MAN1A1: variants seen among roughly 807,000 people sequenced by gnomAD.
MAN1A1 encodes mannosyl-oligosaccharide 1,2-alpha-mannosidase IA.
MAN1A1 carries 29 observed loss-of-function variants against 70.8 expected under a neutral mutation model. That is an observed-to-expected ratio of 0.41 (90% confidence interval 0.31 to 0.56). MAN1A1 has a LOEUF of 0.56. MAN1A1 is among the 20% of genes least tolerant of loss of function. The probability of loss-of-function intolerance (pLI) is 0.29; values close to 1 mark genes in which losing one functional copy is unlikely to be tolerated. For synonymous variants in MAN1A1, 349 were observed against 330.1 expected, an observed-to-expected ratio of 1.06 and a Z score of -0.62; for missense variants, 747 against 841.3, an observed-to-expected ratio of 0.89 and a Z score of 1.39.
chr6:119,255,746 C>T (rs150551888), intron 5 of MAN1A1, among the ~76,000 whole-genome samples: 16 of 152,276 alleles, frequency 1.1e-4, no homozygotes, highest in South Asian at 2.1e-4. Flanking sequence ...ATCTCAGAGA[C>T]GGGTGATCCT....
At chr6:119,247,844 A>G (rs989684178) in intron 6 of MAN1A1, among the ~76,000 whole-genome samples, 2 of 152,188 alleles carry the variant, frequency 1.3e-5, no homozygotes, top group South Asian at 4.1e-4. Flanking sequence ...ATTAGGCCAA[A>G]TATTGTATTT....
chr6:119,192,593 T>C (rs1773469923), intron 9 of MAN1A1, among the ~76,000 whole-genome samples: 1 of 152,184 alleles, frequency 6.6e-6, no homozygotes, highest in Non-Finnish European at 1.5e-5. Flanking sequence ...GGCTACATCT[T>C]TGGGATTACA....
chr6:119,232,915 T>C (rs745359928), intron 6 of MAN1A1, among the ~76,000 whole-genome samples: 1 of 152,154 alleles, frequency 6.6e-6, no homozygotes, highest in Non-Finnish European at 1.5e-5. Context: ...CTATTTTCCC[T>C]TCTTTAGAAA....
intron 2 of MAN1A1, among the ~76,000 whole-genome samples, chr6:119,319,934 C>CT (rs1223802493): frequency 6.6e-6 from 1 of 151,866 alleles, no homozygotes; most frequent in Non-Finnish European, 1.5e-5. Context: ...GGTTGTTCTG[C>CT]TGTCATAAAT....
In MAN1A1 at chr6:119,256,354, C is replaced by T. The variant is rs189501581; in HGVS notation, c.898-8000G>A. Among the ~76,000 whole-genome samples, 375 of 151,220 alleles carry T rather than the reference C, an allele frequency of 2.5e-3. 3 individuals carry two copies. Among genetic ancestry groups the T allele is most frequent in the African/African-American group, 8.6e-3 (356 of 41,182 alleles). ...GTAGTGAAGAGAAGTGGCTTTTATGCTATCTCCTAGTCAAAATGAGTAAAT... is the reference window on the plus strand; with the variant it reads ...GTAGTGAAGAGAAGTGGCTTTTATGTTATCTCCTAGTCAAAATGAGTAAAT... On this transcript the variant is annotated intron_variant, in intron 5 of 12. Transcript: ENST00000368468.
intron 5 of MAN1A1, among the ~76,000 whole-genome samples, chr6:119,249,208 G>A (rs1273311978): frequency 3.9e-5 from 6 of 152,124 alleles, no homozygotes; most frequent in Admixed American, 3.3e-4. Flanking sequence ...AGGGAATGGG[G>A]CAGCCTCCCT....
At chr6:119,319,996 A>G (rs1377377422) in intron 2 of MAN1A1, among the ~76,000 whole-genome samples, 1 of 151,522 alleles carries the variant, frequency 6.6e-6, no homozygotes, top group Admixed American at 6.6e-5. Flanking sequence ...TTTTTAAGAG[A>G]CGGAGTCTTG....
At chr6:119,278,739 C>T (rs1017053974) in intron 5 of MAN1A1, among the ~76,000 whole-genome samples, 1 of 152,020 alleles carries the variant, frequency 6.6e-6, no homozygotes, top group East Asian at 1.9e-4. Flanking sequence ...GGCTTGGTGG[C>T]GTTCCCTTGG....
chr6:119,217,256 A>G (rs967495175), intron 6 of MAN1A1, among the ~76,000 whole-genome samples: 8 of 152,084 alleles, frequency 5.3e-5, no homozygotes, highest in African/African-American at 1.9e-4. Context: ...ATAAGCTTCC[A>G]GTGTTGAATG....
intron 2 of MAN1A1, among the ~76,000 whole-genome samples, chr6:119,319,967 C>T (rs1772963343): frequency 6.6e-6 from 1 of 151,910 alleles, no homozygotes; most frequent in Non-Finnish European, 1.5e-5. Context: ...AGGAGAACTG[C>T]AGTGGTATCT....
At chr6:119,316,060 G>C (rs1772844133) in intron 2 of MAN1A1, among the ~76,000 whole-genome samples, 1 of 152,112 alleles carries the variant, frequency 6.6e-6, no homozygotes, top group Admixed American at 6.5e-5. Flanking sequence ...GTGGTGACAG[G>C]TGATCTCCCT....
At chr6:119,308,496 G>T (rs970579023) in intron 2 of MAN1A1, among the ~76,000 whole-genome samples, 1 of 152,098 alleles carries the variant, frequency 6.6e-6, no homozygotes, top group Non-Finnish European at 1.5e-5. Context: ...ATGAGTCACA[G>T]TTTTTGTGAC....
intron 6 of MAN1A1, among the ~76,000 whole-genome samples, chr6:119,207,516 A>G (rs1012661764): frequency 6.6e-5 from 10 of 152,192 alleles, no homozygotes; most frequent in Admixed American, 2.6e-4. Context: ...CATGGGGCAC[A>G]CATCTATCTA....
chr6:119,188,651 T>G (rs1000551207), intron 10 of MAN1A1, 74 bp from the exon 11 acceptor site: 3 of 1,332,782 alleles, frequency 2.3e-6, no homozygotes. Flanking sequence ...TAAATGAAAC[T>G]AGAAAGTACA....
intron 5 of MAN1A1, chr6:119,269,305 G>A (rs17514202): frequency 0.031 from 8,456 of 275,764 alleles, 174 homozygotes; most frequent in African/African-American, 0.052. Context: ...AGCCAAACTC[G>A]TGAACCAGGC....
chr6:119,304,720 G>T (rs1772482240), intron 3 of MAN1A1, among the ~76,000 whole-genome samples: 1 of 152,128 alleles, frequency 6.6e-6, no homozygotes, highest in Non-Finnish European at 1.5e-5. Flanking sequence ...CTCCCCAACG[G>T]CTAATAACTG....
chr6:119,348,416 T>A, intron 2 of MAN1A1, 47 bp downstream of exon 2: 1 of 1,499,180 alleles, frequency 6.7e-7, no homozygotes, highest in East Asian at 2.3e-5. Context: ...CGTTTCTCCC[T>A]GAAAAACACG....
chr6:119,219,680 G>C (rs565627644), intron 6 of MAN1A1, among the ~76,000 whole-genome samples: 1 of 149,998 alleles, frequency 6.7e-6, no homozygotes, highest in African/African-American at 2.4e-5. Context: ...TGTAACACAA[G>C]TAGTAATGAA....
At chr6:119,261,713 G>T (rs76677725) in intron 5 of MAN1A1, among the ~76,000 whole-genome samples, 5,163 of 152,262 alleles carry the variant, frequency 0.034, 141 homozygotes, top group East Asian at 0.091. Context: ...AAAGTTCATG[G>T]AAGTGTTTTT....
Sources: gnomAD v4.1 joint callset for allele counts (sites outside exome capture counted in the v4.1 genomes callset) on GRCh38, gnomAD v4.1.1 for gene constraint, MANE v1.5 for transcripts, NCBI Gene and HGNC (gene_info 2026-07-23, HGNC 2026-07-21) for gene names.